Variants in MYBL1 observed in about 807,000 individuals in gnomAD.
MYBL1 encodes MYB proto-oncogene like 1, also known as myb-related protein A.
In MYBL1, 17 loss-of-function variants were observed where a neutral mutation model predicts 96.3. The observed-to-expected ratio is 0.18, with a 90% CI of 0.12 to 0.26. MYBL1 has a LOEUF of 0.26. Among genes scored for constraint, MYBL1 ranks in the 10% least tolerant of loss-of-function variants. The pLI is 1.00. For missense variants in MYBL1, 701 were observed against 882.9 expected, an observed-to-expected ratio of 0.79 and a Z score of 2.61; for synonymous variants, 282 against 292.7, an observed-to-expected ratio of 0.96 and a Z score of 0.37.
rs376937079 is a variant in MYBL1, at chr8:66,592,579, C to A, written c.763-35G>T. 3.1e-5 allele frequency: 38 copies of A among 1,225,696 alleles called. No homozygotes were observed. In the East Asian group the frequency reaches 8.7e-4, roughly 28 times the overall value. 75.9% of individuals were successfully genotyped at this position (1,225,696 alleles called of 1,614,324 possible). On this transcript the variant is annotated intron_variant, in intron 7 of 15. Coordinates refer to ENST00000522677, the MANE Select transcript of MYBL1 (RefSeq NM_001080416.4). ...GTTAAATAAAAGAGAAAACAGGATGCTTATATAATTGCTTTATTATTAGTA... is the reference window on the plus strand; with the variant it reads ...GTTAAATAAAAGAGAAAACAGGATGATTATATAATTGCTTTATTATTAGTA...
rs748829482 is a variant in MYBL1 at position 66,566,105 on chromosome 8, G to C, written c.2089C>G (p.Pro697Ala). 1.9e-6 allele frequency: 3 copies of C among 1,541,906 alleles called. No individual in the cohort carries two copies. In the African/African-American group the frequency reaches 4.1e-5, roughly 21 times the overall value. Reference protein sequence around the residue: ...TYTLTKKKPNPNTSKVVKLEK... With the variant: ...TYTLTKKKPNANTSKVVKLEK... ...AATTTGACAACTTTGGAAGTGTTAGGGTTTGGTTTCTTTTTAGTAAGTGTA... is the reference window on the plus strand; with the variant it reads ...AATTTGACAACTTTGGAAGTGTTAGCGTTTGGTTTCTTTTTAGTAAGTGTA... The change falls in exon 15 of 16, where the codon CCT becomes GCT. Residue 697 changes from proline (P) to alanine (A), a missense_variant. Around this residue, in one of 5 missense-constraint regions of MYBL1, gnomAD observed 137 missense variants for 137.5 expected, o/e 1.00. Transcript: ENST00000522677.
At chr8:66,596,913 T>G (rs1456729438) in intron 5 of MYBL1, among the ~76,000 whole-genome samples, 1 of 152,148 alleles carries the variant, frequency 6.6e-6, no homozygotes, top group Admixed American at 6.5e-5. Context: ...CCCAACACAC[T>G]TTCATAGCAG....
intron 1 of MYBL1, among the ~76,000 whole-genome samples, chr8:66,609,532 G>C (rs1810447411): frequency 1.3e-5 from 2 of 151,854 alleles, no homozygotes; most frequent in South Asian, 4.1e-4. Context: ...GCCACCCAGT[G>C]GTTAATATAT....
In MYBL1 at chr8:66,593,870, C is replaced by T. The variant is rs565460371; in HGVS notation, c.688-676G>A. 1.2e-4 allele frequency among the ~76,000 whole-genome samples: 19 copies of T among 152,062 alleles called. No individual in the cohort carries two copies. In the South Asian group the frequency reaches 3.5e-3, roughly 28 times the overall value. On this transcript the variant is annotated intron_variant, in intron 6 of 15. Transcript: ENST00000522677. ...TAAAATCGGGGCCGGGTACAGTGGC[C>T]CACCCCTGTAATTCCAGCACTTTGG...
intron 1 of MYBL1, among the ~76,000 whole-genome samples, chr8:66,611,248 T>TA (rs1810515627): frequency 6.6e-6 from 1 of 152,232 alleles, no homozygotes; most frequent in South Asian, 2.1e-4. Flanking sequence ...AAGTAGATAA[T>TA]ATCACACATT....
intron 12 of MYBL1, among the ~76,000 whole-genome samples, chr8:66,569,423 C>T (rs1447303881): frequency 1.3e-5 from 2 of 150,880 alleles, no homozygotes; most frequent in Non-Finnish European, 2.9e-5. Flanking sequence ...AATATCAGCT[C>T]ACTGCAACCT....
intron 12 of MYBL1, among the ~76,000 whole-genome samples, chr8:66,568,719 T>C (rs1471475168): frequency 6.6e-6 from 1 of 150,952 alleles, no homozygotes; most frequent in Non-Finnish European, 1.5e-5. Flanking sequence ...ACATGGGGGG[T>C]TGTTGTATAG....
In MYBL1 at chr8:66,564,467, TTAAAAACAATTTTTAA is replaced by T. The variant is rs1808425146; in HGVS notation, c.*214_*229del. 3 of 296,278 alleles carry T rather than the reference TTAAAAACAATTTTTAA, an allele frequency of 1.0e-5. No individual in the cohort carries two copies. Among genetic ancestry groups the T allele is most frequent in the Middle Eastern group, 1.0e-3 (1 of 998 alleles). 18.4% of individuals were successfully genotyped at this position (296,278 alleles called of 1,614,324 possible). A position where few individuals can be genotyped will look rare whatever the true frequency, so the allele number is the denominator to read the frequency against. On this transcript the variant is annotated 3_prime_UTR_variant, in exon 16 of 16. Transcript: ENST00000522677. ...TTCTATTATTTTCCCATCTTGTTCTTTAAAAACAATTTTTAAAAATCTCATCTCTTAAAAAATAAAC... is the reference window on the plus strand; with the variant it reads ...TTCTATTATTTTCCCATCTTGTTCTTAAATCTCATCTCTTAAAAAATAAAC...
chr8:66,569,507 G>A (rs1203832810), intron 12 of MYBL1, among the ~76,000 whole-genome samples: 1 of 151,950 alleles, frequency 6.6e-6, no homozygotes, highest in African/African-American at 2.4e-5. Context: ...ACACCACCAT[G>A]CCCAGTTCAT....
intron 8 of MYBL1, 81 bp from the exon 9 acceptor site, chr8:66,580,447 G>C: frequency 1.1e-6 from 1 of 916,988 alleles, no homozygotes; most frequent in Non-Finnish European, 1.6e-6. Flanking sequence ...ATTTCAATTA[G>C]GCTAAAAACA....
At chr8:66,612,547 A>C (rs543530377) in intron 1 of MYBL1, 76 of 395,058 alleles carry the variant, frequency 1.9e-4, no homozygotes, top group African/African-American at 1.4e-3. Flanking sequence ...AAGTGGCAGC[A>C]TGAGGTCAGA....
At chr8:66,576,471 A>G in intron 9 of MYBL1, 96 bp from the exon 10 acceptor site, 1 of 1,374,236 alleles carries the variant, frequency 7.3e-7, no homozygotes, top group Non-Finnish European at 9.8e-7. Context: ...TTAATTAACA[A>G]CTCATTTTAT....
chr8:66,590,029 G>A (rs1356111994), intron 8 of MYBL1, among the ~76,000 whole-genome samples: 4 of 152,070 alleles, frequency 2.6e-5, no homozygotes, highest in East Asian at 3.9e-4. Flanking sequence ...AGCCATGATC[G>A]TACCACTGCA....
chr8:66,569,386 G>A (rs946255427), intron 12 of MYBL1, among the ~76,000 whole-genome samples: 1 of 140,150 alleles, frequency 7.1e-6, no homozygotes, highest in Non-Finnish European at 1.5e-5. Context: ...GTCTCACTCT[G>A]TCACCCAGGC....
At chr8:66,575,971 G>A (rs745577087) in intron 10 of MYBL1, 36 bp downstream of exon 10, 1 of 1,571,142 alleles carries the variant, frequency 6.4e-7, no homozygotes, top group African/African-American at 1.4e-5. Flanking sequence ...GTAACTCATT[G>A]ACATTTAGAA....
At chr8:66,597,684 T>TA in intron 4 of MYBL1, 134 bp from the exon 5 acceptor site, 1 of 614,494 alleles carries the variant, frequency 1.6e-6, no homozygotes, top group South Asian at 2.2e-5. Context: ...AAATTACCAA[T>TA]AAATACCCCT....
chr8:66,610,236 C>T (rs1210238578), intron 1 of MYBL1, among the ~76,000 whole-genome samples: 1 of 151,938 alleles, frequency 6.6e-6, no homozygotes, highest in African/African-American at 2.4e-5. Context: ...AAATTGTCAT[C>T]GCAATTCCCA....
At position 66,613,028 on chromosome 8, in the gene MYBL1, C is replaced by G. The variant is rs1810597671; in HGVS notation, c.-190G>C. On this transcript the variant is annotated 5_prime_UTR_variant, in exon 1 of 16. Coordinates refer to ENST00000522677, the MANE Select transcript of MYBL1 (RefSeq NM_001080416.4). ...GCGGGGGCGGACCGCGACCCGACCCCGACCCCGGCCCGCAGCGCCGCTCTT... is the reference window on the plus strand; with the variant it reads ...GCGGGGGCGGACCGCGACCCGACCCGGACCCCGGCCCGCAGCGCCGCTCTT... 2 of 539,374 alleles carry G rather than the reference C, an allele frequency of 3.7e-6. No individual in the cohort carries two copies. The highest frequency in any genetic ancestry group is 5.7e-6 in the Non-Finnish European group (2 of 350,382). 33.4% of individuals were successfully genotyped at this position (539,374 alleles called of 1,614,324 possible). A position where few individuals can be genotyped will look rare whatever the true frequency, so the allele number is the denominator to read the frequency against.
At chr8:66,591,077 C>T (rs796851493) in intron 8 of MYBL1, among the ~76,000 whole-genome samples, 3 of 152,164 alleles carry the variant, frequency 2.0e-5, no homozygotes, top group Admixed American at 6.5e-5. Flanking sequence ...TGGTTAGGTG[C>T]GGTGGCTCAC....
Sources: gnomAD v4.1 joint callset for allele counts (sites outside exome capture counted in the v4.1 genomes callset) on GRCh38, gnomAD v4.1.1 for gene constraint, gnomAD v4.1.1 regional missense constraint, MANE v1.5 for transcripts, NCBI Gene and HGNC (gene_info 2026-07-23, HGNC 2026-07-21) for gene names.